Variants in ZNF862 observed in about 807,000 individuals in gnomAD.
ZNF862 encodes the protein zinc finger protein 862.
Under a neutral mutation model 91.1 loss-of-function variants are expected in ZNF862, and 64 were observed. That is an observed-to-expected ratio of 0.70 (90% CI 0.57 to 0.87). The LOEUF (loss-of-function observed/expected upper bound fraction) is 0.87, where lower values mean the gene tolerates loss of function less well. Among genes scored for constraint, ZNF862 ranks in the 40% least tolerant of loss-of-function variants. ZNF862 has a pLI of 0.00. For missense variants in ZNF862, 1,459 were observed against 1,528.0 expected (o/e 0.95, Z 0.75); for synonymous variants, 631 against 618.1 (o/e 1.02, Z -0.31).
intron 5 of ZNF862, chr7:149,851,961 G>A (rs1423793657): frequency 2.6e-5 from 4 of 152,136 alleles, no homozygotes; most frequent in East Asian, 3.9e-4. Context: ...GTCTAGAAAC[G>A]GAGTTGCATG....
rs1802221837 is a variant in ZNF862 at position 149,855,311 on chromosome 7, G to A, written c.1118-4111G>A. On this transcript the variant is annotated intron_variant, in intron 5 of 7. Coordinates refer to ENST00000223210, the MANE Select transcript of ZNF862 (RefSeq NM_001099220.3). The surrounding 1 kb of genome is among the most constrained non-coding windows in gnomAD (Gnocchi z 4.1). ...CAAAAGGAAAATGTAGGAAACAAAA[G>A]CCCCGTCTCTGTGTAGTAGTAGAAA... Among the ~76,000 whole-genome samples the A allele has an allele frequency of 1.3e-5, 2 of 152,118 alleles. No homozygotes were observed. Among genetic ancestry groups the A allele is most frequent in the Non-Finnish European group, 2.9e-5 (2 of 68,026 alleles).
intron 6 of ZNF862, chr7:149,860,033 G>A (rs547641894): frequency 4.6e-5 from 15 of 324,886 alleles, no homozygotes; most frequent in South Asian, 2.9e-4. Flanking sequence ...AGCCTCACAC[G>A]AGAGTGAAAG....
In ZNF862 at chr7:149,843,730, A is replaced by G. The variant is rs1257956723; in HGVS notation, c.25-895A>G. Among the ~76,000 whole-genome samples, 4 of 152,170 alleles carry G rather than the reference A, an allele frequency of 2.6e-5. No homozygotes were observed. The East Asian group carries it at 7.7e-4, about 29-fold the overall frequency. ...GCTTATCAGCTGGAGCCTCATGTAA[A>G]GGAACCTGGGGAGGCATTTGTTGGG... is the stretch of plus-strand genomic sequence containing the variant. On this transcript the variant is annotated intron_variant, in intron 1 of 7. Coordinates refer to ENST00000223210, the MANE Select transcript of ZNF862 (RefSeq NM_001099220.3).
At chr7:149,859,221 A>G (rs1043868392) in intron 5 of ZNF862, 4 of 609,250 alleles carry the variant, frequency 6.6e-6, no homozygotes, top group African/African-American at 3.7e-5. Context: ...AGGAAGCCCT[A>G]TCCTAGCTGA....
At chr7:149,841,360 G>A (rs1801697422) in intron 1 of ZNF862, 1 of 985,300 alleles carries the variant, frequency 1.0e-6, no homozygotes, top group Non-Finnish European at 1.2e-6. Context: ...CATCTTGCCT[G>A]TCATTGACAG....
At chr7:149,840,995 G>C (rs1197031309) in intron 1 of ZNF862, 4 of 985,296 alleles carry the variant, frequency 4.1e-6, no homozygotes. Flanking sequence ...TCAGAGACTG[G>C]AAATTTCACC....
chr7:149,861,093 C>T lies in ZNF862; in HGVS notation c.1933C>T (p.Arg645Cys), dbSNP rs369066632. 16 of 1,612,760 alleles carry T rather than the reference C, an allele frequency of 9.9e-6. No individual in the cohort carries two copies. The African/African-American group carries it at 1.2e-4, about 12-fold the overall frequency. Residue 645 changes from arginine to cysteine, a missense_variant, in exon 7 of 8, where the codon CGC (arginine) becomes TGC (cysteine). Coordinates refer to ENST00000223210, the MANE Select transcript of ZNF862 (RefSeq NM_001099220.3). This position sits in a 1 kb window ranked among gnomAD's most constrained non-coding sequence, Gnocchi z 6.7. ...SEQACVGIYI[R>C]YFKQMEVKES... ...GCAGGCCTGCGTGGGGATTTACATC[C>T]GCTACTTCAAGCAGATGGAGGTGAA...
At position 149,861,407 on chromosome 7, in the gene ZNF862, C is replaced by T; in HGVS notation, c.2247C>T (p.His749=). Residue 749 remains histidine, a synonymous_variant, in exon 7 of 8, where the codon CAC becomes CAT. Transcript: ENST00000223210. This position sits in a 1 kb window ranked among gnomAD's most constrained non-coding sequence, Gnocchi z 6.7. ...SIDLVKKCDR[H]IRTVFKFYQS... Reference sequence around the variant, plus strand: ...ATCTGGTGAAGAAGTGTGACCGGCACATCCGCACCGTCTTCAAGTTTTATC... The same window carrying T: ...ATCTGGTGAAGAAGTGTGACCGGCATATCCGCACCGTCTTCAAGTTTTATC... The T allele has an allele frequency of 6.2e-7, 1 of 1,613,232 alleles. No individual in the cohort carries two copies. The highest frequency in any genetic ancestry group is 8.5e-7 in the Non-Finnish European group (1 of 1,179,902).
chr7:149,849,819 A>G (rs1160013885), intron 4 of ZNF862, among the ~76,000 whole-genome samples: 2 of 152,298 alleles, frequency 1.3e-5, no homozygotes, highest in Non-Finnish European at 2.9e-5. Context: ...TCCTAGAGGC[A>G]CACAGTCACC....
rs767393878 is a variant in ZNF862 at position 149,861,657 on chromosome 7, C to T, written c.2497C>T (p.Arg833Cys). ...HRAKGMLKLM[R>C]GFHFVKFCHF... ...GGCCAAAGGGATGCTGAAGCTCATG[C>T]GCGGCTTCCACTTTGTCAAGTTCTG... is the stretch of plus-strand genomic sequence containing the variant. The change falls in exon 7 of 8, where the codon CGC becomes TGC. Residue 833 changes from arginine (R) to cysteine (C), a missense_variant. Transcript: ENST00000223210. The surrounding 1 kb of genome is among the most constrained non-coding windows in gnomAD (Gnocchi z 6.7). 2 of 1,608,668 alleles carry T rather than the reference C, an allele frequency of 1.2e-6. No homozygotes were observed. The highest frequency in any genetic ancestry group is 4.5e-5 in the East Asian group (2 of 44,704).
chr7:149,839,466 C>G (rs1013398498), intron 1 of ZNF862, among the ~76,000 whole-genome samples: 2 of 152,146 alleles, frequency 1.3e-5, no homozygotes, highest in Non-Finnish European at 2.9e-5. Flanking sequence ...CATTTGTGAT[C>G]TGTGATTTGC....
At chr7:149,851,462 C>T (rs1232896132) in intron 5 of ZNF862, 2 of 152,226 alleles carry the variant, frequency 1.3e-5, no homozygotes. Flanking sequence ...CTCAGAGTAT[C>T]ACTGCCCGTG....
At position 149,850,580 on chromosome 7, in the gene ZNF862, G is replaced by A. The variant is rs1702817132; in HGVS notation, c.1117+242G>A. 2.1e-6 allele frequency: 1 copy of A among 486,888 alleles called. No individual in the cohort carries two copies. Among genetic ancestry groups the A allele is most frequent in the African/African-American group, 2.0e-5 (1 of 51,236 alleles). The allele number at this position is 486,888 out of a possible 1,614,324, so 30.2% of individuals were successfully genotyped here. A position where few individuals can be genotyped will look rare whatever the true frequency, so the allele number is the denominator to read the frequency against. On this transcript the variant is annotated intron_variant, in intron 5 of 7. Transcript: ENST00000223210. This position sits in a 1 kb window ranked among gnomAD's most constrained non-coding sequence, Gnocchi z 4.2. ...AAACATTTTGGAGTACCTACTATGT[G>A]CCAGATGAACACAGCTGATCCATGG...
In ZNF862 at chr7:149,860,032, C is replaced by G. The variant is rs532332721; in HGVS notation, c.1223-351C>G. The G allele has an allele frequency of 9.4e-4, 304 of 323,624 alleles. 1 individual carries two copies. The highest frequency in any genetic ancestry group is 1.4e-3 in the Non-Finnish European group (253 of 176,616). The allele number at this position is 323,624 out of a possible 1,614,324, so 20.0% of individuals were successfully genotyped here. On this transcript the variant is annotated intron_variant, in intron 6 of 7. Coordinates refer to ENST00000223210, the MANE Select transcript of ZNF862 (RefSeq NM_001099220.3). ...ACCTATTCTATTGTGGAGCCTCACA[C>G]GAGAGTGAAAGCCACCTGCTTATCC...
chr7:149,858,064 A>G (rs963403846), intron 5 of ZNF862, among the ~76,000 whole-genome samples: 2 of 152,090 alleles, frequency 1.3e-5, no homozygotes, highest in African/African-American at 4.8e-5. Context: ...AGGACCTGGG[A>G]TTGATCAGAT....
chr7:149,846,563 G>A (rs3735327), intron 3 of ZNF862, among the ~76,000 whole-genome samples: 35,958 of 152,026 alleles, frequency 0.24, 4,600 homozygotes, highest in Non-Finnish European at 0.29. Flanking sequence ...ACAATACCTG[G>A]CACCCAGCTG....
At chr7:149,854,699 G>C (rs944160180) in intron 5 of ZNF862, among the ~76,000 whole-genome samples, 9 of 152,202 alleles carry the variant, frequency 5.9e-5, no homozygotes, top group African/African-American at 2.2e-4. Flanking sequence ...CCAGAATCTA[G>C]CTCCTTGCGG....
intron 5 of ZNF862, among the ~76,000 whole-genome samples, chr7:149,857,916 C>T (rs1297855434): frequency 6.6e-6 from 1 of 152,178 alleles, no homozygotes; most frequent in East Asian, 1.9e-4. Context: ...GCTTTCAGTA[C>T]CGCACCACCC....
In ZNF862 at chr7:149,864,271, C is replaced by T. The variant is rs1346302779; in HGVS notation, c.3497C>T (p.Pro1166Leu). 6.3e-6 allele frequency: 10 copies of T among 1,599,480 alleles called. No individual in the cohort carries two copies. The African/African-American group carries it at 8.0e-5, about 13-fold the overall frequency. The change falls in exon 8 of 8, where the codon CCC becomes CTC. Residue 1166 changes from proline (P) to leucine (L), a missense_variant. Physicochemically the swap from Pro to Leu is moderately conservative, Grantham distance 98. Coordinates refer to ENST00000223210, the MANE Select transcript of ZNF862 (RefSeq NM_001099220.3). The stretch of plus-strand genomic sequence containing the variant: ...TATCCCCACACCAGCCAGGAGGCCC[C>T]CGGGATGTCCTGAGGGACAGGGAGT... ...LLYPHTSQEA[P>L]GMS
Sources: gnomAD v4.1 joint callset for allele counts (sites outside exome capture counted in the v4.1 genomes callset) on GRCh38, gnomAD v4.1.1 for gene constraint, Gnocchi (gnomAD v3.1) non-coding constraint, MANE v1.5 for transcripts, NCBI Gene and HGNC (gene_info 2026-07-23, HGNC 2026-07-21) for gene names.